The following COL10A1 variants were observed in gnomAD, a reference collection of about 807,000 sequenced individuals.
COL10A1 encodes collagen alpha-1(X) chain.
Under a neutral mutation model 18.2 loss-of-function variants are expected in COL10A1, and 10 were observed. That is an observed-to-expected ratio of 0.55 (90% CI 0.34 to 0.93). The LOEUF (loss-of-function observed/expected upper bound fraction) is 0.93, where lower values mean the gene tolerates loss of function less well. COL10A1 is among the 40% of genes least tolerant of loss of function. COL10A1 has a pLI of 0.02. For missense variants in COL10A1, 897 were observed against 853.5 expected (o/e 1.05, Z -0.64); for synonymous variants, 330 against 316.6 (o/e 1.04, Z -0.45).
the COL10A1 span, among the ~76,000 whole-genome samples, chr6:116,201,748 A>G: frequency 6.6e-6 from 1 of 152,048 alleles, no homozygotes; most frequent in African/African-American, 2.4e-5. Context: ...ACACAGGTGT[A>G]CAGCCTAAGC....
chr6:116,125,974 G>A (rs951627535), intron 1 of COL10A1, 79 bp downstream of exon 1: 1 of 153,802 alleles, frequency 6.5e-6, no homozygotes, highest in Non-Finnish European at 1.4e-5. Context: ...TAATACTTGA[G>A]AAAACTCAAG....
chr6:116,146,865 C>T (rs975991042), intron 1 of COL10A1, among the ~76,000 whole-genome samples: 3 of 151,648 alleles, frequency 2.0e-5, no homozygotes, highest in Non-Finnish European at 4.4e-5. Context: ...TGAAAAAATA[C>T]AGTTGTGCCC....
chr6:116,142,962 T>C (rs961825591), intron 1 of COL10A1, among the ~76,000 whole-genome samples: 1 of 152,208 alleles, frequency 6.6e-6, no homozygotes, highest in Non-Finnish European at 1.5e-5. Flanking sequence ...CTGTGTTTCA[T>C]GGTGGGAAAA....
At chr6:116,147,552 A>T (rs1444073180) in intron 1 of COL10A1, among the ~76,000 whole-genome samples, 1 of 152,244 alleles carries the variant, frequency 6.6e-6, no homozygotes, top group Non-Finnish European at 1.5e-5. Flanking sequence ...AGTTCATTTT[A>T]AAAAGTATTT....
the COL10A1 span, among the ~76,000 whole-genome samples, chr6:116,209,302 G>C: frequency 6.6e-6 from 1 of 151,856 alleles, no homozygotes; most frequent in African/African-American, 2.4e-5. Context: ...TTAGCTTGTG[G>C]GCTGTGGTTT....
At position 116,121,146 on chromosome 6, in the gene COL10A1, C is replaced by G; in HGVS notation, c.970G>C (p.Glu324Gln). ...GLPGGPGAKG[E>Q]QGPAGLPGKP... ...CCAGGAAGACCTGCTGGCCCTTGTT[C>G]CCCTTTGGCACCTGGACCCCCAGGA... Residue 324 changes from glutamate (E) to glutamine (Q), a missense_variant, in exon 3 of 3, where the codon GAA becomes CAA. By Grantham distance (29) the Glu-to-Gln change is conservative (BLOSUM62 2). Coordinates refer to ENST00000651968, the MANE Select transcript of COL10A1 (RefSeq NM_000493.4). 6.2e-7 allele frequency: 1 copy of G among 1,613,330 alleles called. No individual in the cohort carries two copies.
At position 116,121,371 on chromosome 6, in the gene COL10A1, G is replaced by A. The variant is rs1237475699; in HGVS notation, c.745C>T (p.Pro249Ser). ...FPGEMGPIGP[P>S]GPQGPPGERG... ...TCCCCAGGAGGGCCTTGGGGACCTG[G>A]TGGGCCAATTGGTCCCATTTCTCCC... Residue 249 changes from proline (P) to serine (S), a missense_variant, in exon 3 of 3, where the codon CCA becomes TCA. Pro to Ser is a moderately conservative substitution (Grantham distance 74, BLOSUM62 -1). Transcript: ENST00000651968. The A allele has an allele frequency of 6.2e-7, 1 of 1,614,098 alleles. No individual in the cohort carries two copies. The highest frequency in any genetic ancestry group is 1.1e-5 in the South Asian group (1 of 91,080).
chr6:116,137,569 G>C (rs554278069), intron 1 of COL10A1: 81 of 214,398 alleles, frequency 3.8e-4, no homozygotes, highest in African/African-American at 1.7e-3. Flanking sequence ...TTAGTCAAAG[G>C]CTGCGTTTTC....
the COL10A1 span, among the ~76,000 whole-genome samples, chr6:116,192,192 A>C: frequency 3.3e-5 from 5 of 151,994 alleles, no homozygotes; most frequent in East Asian, 7.8e-4. Flanking sequence ...TTTGCCAGTT[A>C]ATTAACCTCT....
At chr6:116,195,216 T>TGATA in the COL10A1 span, among the ~76,000 whole-genome samples, 1 of 152,084 alleles carries the variant, frequency 6.6e-6, no homozygotes, top group Non-Finnish European at 1.5e-5. Flanking sequence ...TATAGGCATA[T>TGATA]GATAGTAAGA....
the COL10A1 span, among the ~76,000 whole-genome samples, chr6:116,178,102 C>CAT: frequency 3.2e-5 from 3 of 94,472 alleles, no homozygotes; most frequent in African/African-American, 1.9e-4. Flanking sequence ...CGCGCGCGCG[C>CAT]GTGCGTGCGT....
the COL10A1 span, among the ~76,000 whole-genome samples, chr6:116,198,737 AT>A: frequency 1.3e-5 from 2 of 151,588 alleles, no homozygotes; most frequent in Non-Finnish European, 2.9e-5. Context: ...TCTAAACAAT[AT>A]TTTTTTAAAA....
chr6:116,121,883 C>A lies in COL10A1; in HGVS notation c.233G>T (p.Gly78Val). ...TCCGTAGCCTGGTTTTCCTGGTGGT[C>A]CAGAAGGACCTGGGTGCCCTCGAGG... Reference protein sequence around the residue: ...AGPRGHPGPSGPPGKPGYGSP... With the variant: ...AGPRGHPGPSVPPGKPGYGSP... The change falls in exon 3 of 3, where the codon GGA (glycine) becomes GTA (valine). Residue 78 changes from glycine (G) to valine (V), a missense_variant. Transcript: ENST00000651968. 1 of 1,613,944 alleles carries A rather than the reference C, an allele frequency of 6.2e-7. No individual in the cohort carries two copies. Among genetic ancestry groups the A allele is most frequent in the South Asian group, 1.1e-5 (1 of 91,040 alleles).
the COL10A1 span, among the ~76,000 whole-genome samples, chr6:116,190,514 A>G: frequency 6.6e-6 from 1 of 151,948 alleles, no homozygotes; most frequent in Non-Finnish European, 1.5e-5. Flanking sequence ...CAAAACAAGC[A>G]TCCCCCCACC....
chr6:116,163,122 G>A (rs1295992784), upstream of COL10A1, among the ~76,000 whole-genome samples: 33 of 28,160 alleles, frequency 1.2e-3, no homozygotes, highest in South Asian at 2.6e-3. Flanking sequence ...GCGAGACTCC[G>A]TCTCAAAAAA....
chr6:116,136,771 TA>T lies in COL10A1; in HGVS notation c.-15-11265del, dbSNP rs150601476. On this transcript the variant is annotated intron_variant, in intron 1 of 1. Transcript: ENST00000418500. The stretch of plus-strand genomic sequence containing the variant: ...GATAACAATAAGCTATTCTTGGCCT[TA>T]GTTCCAACGGTTTGGAATCTGTTAC... Among the ~76,000 whole-genome samples, 389 of 152,334 alleles carry T rather than the reference TA, an allele frequency of 2.6e-3. 1 individual carries two copies. The highest frequency in any genetic ancestry group is 9.1e-3 in the African/African-American group (379 of 41,574).
chr6:116,166,868 T>A, the COL10A1 span, among the ~76,000 whole-genome samples: 3 of 152,218 alleles, frequency 2.0e-5, no homozygotes, highest in African/African-American at 7.2e-5. Context: ...GTCTGGAATC[T>A]GACCTTGAAA....
rs151327195 is a variant in COL10A1 at position 116,121,703 on chromosome 6, C to T, written c.413G>A (p.Arg138Gln). 227 of 1,613,622 alleles carry T rather than the reference C, an allele frequency of 1.4e-4. 2 individuals are homozygous for T. The African/African-American group carries it at 2.5e-3, about 18-fold the overall frequency. The change falls in exon 3 of 3, where the codon CGG (arginine) becomes CAG (glutamine). Residue 138 changes from arginine to glutamine, a missense_variant. Physicochemically the swap from Arg to Gln is conservative, Grantham distance 43 (BLOSUM62 1). Transcript: ENST00000651968. Reference protein sequence around the residue: ...DVGPAGLPGPRGPPGPPGIPG... With the variant: ...DVGPAGLPGPQGPPGPPGIPG... ...GATTCCAGGTGGTCCTGGTGGGCCC[C>T]GGGGTCCTGGTAGGCCAGCTGGTCC...
upstream of COL10A1, among the ~76,000 whole-genome samples, chr6:116,162,137 A>G (rs1780349602): frequency 1.3e-5 from 2 of 152,120 alleles, no homozygotes; most frequent in African/African-American, 4.8e-5. Context: ...GTATCCTGAG[A>G]CTTTAGCAAA....
Sources: allele counts gnomAD v4.1 joint callset (sites outside exome capture counted in the v4.1 genomes callset), GRCh38; gene constraint gnomAD v4.1.1; transcripts MANE v1.5; gene names NCBI Gene and HGNC (gene_info 2026-07-23, HGNC 2026-07-21).